PRRG1: variants seen among roughly 807,000 people sequenced by gnomAD.
PRRG1 encodes proline rich and Gla domain 1.
A neutral mutation model predicts 11.8 loss-of-function variants in PRRG1; 5 were observed. The observed-to-expected ratio is 0.42, with a 90% CI of 0.22 to 0.89. The LOEUF (loss-of-function observed/expected upper bound fraction) is 0.89. PRRG1 is among the 40% of genes least tolerant of loss of function. The pLI, the probability that PRRG1 is intolerant of heterozygous loss-of-function variation, is 0.28. For synonymous variants in PRRG1, 66 were observed against 60.4 expected (o/e 1.09, Z -0.43); for missense variants, 155 against 166.1 (o/e 0.93, Z 0.37).
chrX:37,390,011 A>C (rs1556376194), intron 1 of PRRG1, among the ~76,000 whole-genome samples: 1 of 112,114 alleles, frequency 8.9e-6, no homozygotes, highest in Admixed American at 9.5e-5. Context: ...ACTTTAGGTA[A>C]TTTTTGAAAA....
intron 1 of PRRG1, among the ~76,000 whole-genome samples, chrX:37,359,831 G>T (rs1285322530): frequency 1.8e-5 from 2 of 111,844 alleles, no homozygotes; most frequent in African/African-American, 3.2e-5. Context: ...TCTATTTCTT[G>T]TGTGAATTTT....
At chrX:37,368,723 C>T (rs782067845) in intron 1 of PRRG1, among the ~76,000 whole-genome samples, 46 of 110,407 alleles carry the variant, frequency 4.2e-4, no homozygotes, top group African/African-American at 1.4e-3. Context: ...TTTCTACATG[C>T]CTCTTCTGTT....
intron 2 of PRRG1, among the ~76,000 whole-genome samples, chrX:37,417,677 C>T (rs1728370724): frequency 9.0e-6 from 1 of 110,956 alleles, no homozygotes; most frequent in African/African-American, 3.3e-5. Context: ...AAAGTTGTTT[C>T]CATCAGTCTG....
chrX:37,403,065 A>G (rs1381378185), intron 1 of PRRG1, among the ~76,000 whole-genome samples: 10 of 109,852 alleles, frequency 9.1e-5, no homozygotes, highest in African/African-American at 3.3e-4. Context: ...TGTGGAAGTC[A>G]GTGTGGCGAT....
chrX:37,397,695 C>G (rs969359778), intron 1 of PRRG1, among the ~76,000 whole-genome samples: 7 of 111,220 alleles, frequency 6.3e-5, no homozygotes, highest in South Asian at 3.8e-4. Flanking sequence ...AGAGTTGGAC[C>G]AGTTCAAAAC....
chrX:37,452,051 G>T (rs2146640920), intron 3 of PRRG1, among the ~76,000 whole-genome samples: 1 of 111,864 alleles, frequency 8.9e-6, no homozygotes, highest in African/African-American at 3.2e-5. Context: ...TGAAATGGCA[G>T]ACATTTCGAA....
At chrX:37,379,031 CTTTTTTTTTTT>C (rs56857980) in intron 1 of PRRG1, among the ~76,000 whole-genome samples, 155 of 28,758 alleles carry the variant, frequency 5.4e-3, no homozygotes, top group Non-Finnish European at 7.9e-3. Flanking sequence ...CATCTTTTTG[CTTTTTTTTTTT>C]TTTTTTTTTT....
rs143993059 is a variant in PRRG1, at chrX:37,455,956, A to G, written c.*2335A>G. On this transcript the variant is annotated 3_prime_UTR_variant, in exon 4 of 4. Coordinates refer to ENST00000378628, the MANE Select transcript of PRRG1 (RefSeq NM_001142395.2). ...TTTCAGGGGGGACTATGAGATCAAA[A>G]TATTTTTATTATAATGTGAAGACAT... The G allele has an allele frequency of 4.1e-3, 462 of 112,093 alleles. 4 individuals carry two copies. The highest frequency in any genetic ancestry group is 0.014 in the African/African-American group (440 of 30,877). 9.2% of individuals were successfully genotyped at this position (112,093 alleles called of 1,213,427 possible).
chrX:37,438,991 TG>T (rs1441038827), intron 3 of PRRG1, among the ~76,000 whole-genome samples: 1 of 111,988 alleles, frequency 8.9e-6, no homozygotes, highest in Admixed American at 9.5e-5. Context: ...ATGACTCTCA[TG>T]GTTGGTATAT....
Position 37,380,554 on chromosome X carries a change from A to G in PRRG1, c.-41-25655A>G, listed in dbSNP as rs1352599097. On this transcript the variant is annotated intron_variant, in intron 1 of 3. Coordinates refer to ENST00000378628, the MANE Select transcript of PRRG1 (RefSeq NM_001142395.2). Reference sequence around the variant, plus strand: ...GACTCATTGGGTTTTTAATGAGCAGATCAAGTAAAATGGTATGAATGTGCT... The same window carrying G: ...GACTCATTGGGTTTTTAATGAGCAGGTCAAGTAAAATGGTATGAATGTGCT... Among the ~76,000 whole-genome samples the G allele has an allele frequency of 4.5e-5, 5 of 111,367 alleles. No individual in the cohort carries two copies. The Admixed American group carries it at 4.8e-4, about 11-fold the overall frequency.
At chrX:37,399,147 C>T (rs782208251) in intron 1 of PRRG1, among the ~76,000 whole-genome samples, 5,024 of 110,596 alleles carry the variant, frequency 0.045, 297 homozygotes, top group African/African-American at 0.16. Context: ...AAAGATACTC[C>T]TCGAGAAGAG....
chrX:37,453,829 G>A lies in PRRG1; in HGVS notation c.*208G>A. On this transcript the variant is annotated 3_prime_UTR_variant, in exon 4 of 4. Coordinates refer to ENST00000378628, the MANE Select transcript of PRRG1 (RefSeq NM_001142395.2). Reference sequence around the variant, plus strand: ...TTTGCTAGGGGAAATATATGAAGAGGGAAAACATACTAATGGGGGTCTTTC... The same window carrying A: ...TTTGCTAGGGGAAATATATGAAGAGAGAAAACATACTAATGGGGGTCTTTC... 1 of 402,369 alleles carries A rather than the reference G, an allele frequency of 2.5e-6. No homozygotes were observed. Among genetic ancestry groups the A allele is most frequent in the African/African-American group, 2.5e-5 (1 of 39,693 alleles). 33.2% of individuals were successfully genotyped at this position (402,369 alleles called of 1,213,427 possible).
intron 1 of PRRG1, among the ~76,000 whole-genome samples, chrX:37,354,112 C>T (rs782606062): frequency 6.7e-4 from 75 of 112,168 alleles, no homozygotes; most frequent in African/African-American, 2.3e-3. Flanking sequence ...TCTGAAACTT[C>T]AGCATGTACA....
chrX:37,402,765 A>G (rs1226805341), intron 1 of PRRG1, among the ~76,000 whole-genome samples: 2 of 111,624 alleles, frequency 1.8e-5, no homozygotes, highest in African/African-American at 6.5e-5. Flanking sequence ...AGAATCTACA[A>G]TGAACTCAAA....
chrX:37,363,372 C>A (rs1556368173), intron 1 of PRRG1, among the ~76,000 whole-genome samples: 1 of 112,156 alleles, frequency 8.9e-6, no homozygotes, highest in Admixed American at 9.4e-5. Context: ...ACTATGCATG[C>A]ATTTCATGCA....
chrX:37,405,281 A>G (rs995701557), intron 1 of PRRG1, among the ~76,000 whole-genome samples: 22 of 112,036 alleles, frequency 2.0e-4, no homozygotes, highest in African/African-American at 6.8e-4. Context: ...AGAATTTATG[A>G]TAGGAAATGA....
chrX:37,457,095 G>A lies in PRRG1; in HGVS notation c.*3474G>A, dbSNP rs782003594. 7 of 112,754 alleles carry A rather than the reference G, an allele frequency of 6.2e-5. No homozygotes were observed. Among genetic ancestry groups the A allele is most frequent in the African/African-American group, 2.3e-4 (7 of 31,108 alleles). The allele number at this position is 112,754 out of a possible 1,213,427, so 9.3% of individuals were successfully genotyped here. A position where few individuals can be genotyped will look rare whatever the true frequency, so the allele number is the denominator to read the frequency against. On this transcript the variant is annotated 3_prime_UTR_variant, in exon 4 of 4. Transcript: ENST00000378628. ...TAATGATGACTTCAAGATTGATGAT[G>A]TGATCCAATAACTGTGGAGGTAGCT...
At chrX:37,422,357 T>C (rs1186044017) in intron 2 of PRRG1, among the ~76,000 whole-genome samples, 1 of 112,105 alleles carries the variant, frequency 8.9e-6, no homozygotes, top group Non-Finnish European at 1.9e-5. Flanking sequence ...TTTGCACTTG[T>C]CAGACCAAAC....
At chrX:37,391,389 A>AT in intron 1 of PRRG1, among the ~76,000 whole-genome samples, 1 of 110,591 alleles carries the variant, frequency 9.0e-6, no homozygotes, top group Non-Finnish European at 1.9e-5. Flanking sequence ...AAGAAGCAGA[A>AT]AAAAAAAATC....
Sources: allele counts gnomAD v4.1 joint callset (sites outside exome capture counted in the v4.1 genomes callset), GRCh38; gene constraint gnomAD v4.1.1; transcripts MANE v1.5; gene names NCBI Gene and HGNC (gene_info 2026-07-23, HGNC 2026-07-21).